The following ADAMTS12 variants were observed in gnomAD, a reference collection of about 807,000 sequenced individuals.
ADAMTS12 encodes the protein A disintegrin and metalloproteinase with thrombospondin motifs 12.
ADAMTS12 carries 118 observed loss-of-function variants against 167.8 expected under a neutral mutation model. That is an observed-to-expected ratio of 0.70 (90% CI 0.61 to 0.82). ADAMTS12 has a LOEUF of 0.82. ADAMTS12 is among the 40% of genes least tolerant of loss of function. The pLI, the probability that ADAMTS12 is intolerant of heterozygous loss-of-function variation, is 0.00. For synonymous variants in ADAMTS12, 704 were observed against 716.9 expected (o/e 0.98, Z 0.29); for missense variants, 1,916 against 1,998.8 (o/e 0.96, Z 0.79).
intron 3 of ADAMTS12, among the ~76,000 whole-genome samples, chr5:33,727,004 G>A (rs1744004153): frequency 6.6e-6 from 1 of 152,118 alleles, no homozygotes; most frequent in Non-Finnish European, 1.5e-5. Flanking sequence ...AAACTCCTGG[G>A]TGAATCAAAT....
intron 2 of ADAMTS12, among the ~76,000 whole-genome samples, chr5:33,853,795 C>T (rs1749304366): frequency 6.6e-6 from 1 of 152,214 alleles, no homozygotes; most frequent in African/African-American, 2.4e-5. Context: ...AATGCACATA[C>T]AAATCACCTG....
At chr5:33,589,211 T>G (rs191750033) in intron 17 of ADAMTS12, among the ~76,000 whole-genome samples, 1 of 152,314 alleles carries the variant, frequency 6.6e-6, no homozygotes, top group African/African-American at 2.4e-5. Context: ...GAAAGACCAA[T>G]TCATGTAATG....
intron 2 of ADAMTS12, among the ~76,000 whole-genome samples, chr5:33,829,849 G>A (rs954425449): frequency 3.3e-5 from 5 of 152,050 alleles, no homozygotes; most frequent in Admixed American, 6.5e-5. Context: ...GAATTCACCC[G>A]CTTCATACTG....
chr5:33,826,421 G>A (rs555205700), intron 2 of ADAMTS12, among the ~76,000 whole-genome samples: 8 of 151,994 alleles, frequency 5.3e-5, no homozygotes, highest in African/African-American at 1.9e-4. Context: ...TATATGCAAA[G>A]GTTTAAGTAT....
intron 14 of ADAMTS12, among the ~76,000 whole-genome samples, chr5:33,620,631 C>T (rs7717651): frequency 0.27 from 41,696 of 152,010 alleles, 6,128 homozygotes; most frequent in African/African-American, 0.37. Context: ...CCATGTGTGG[C>T]CTGTAAGTGT....
At chr5:33,533,890 T>C (rs1019674820) in intron 23 of ADAMTS12, among the ~76,000 whole-genome samples, 1 of 152,228 alleles carries the variant, frequency 6.6e-6, no homozygotes, top group Non-Finnish European at 1.5e-5. Flanking sequence ...GGTAGCTTCA[T>C]CTACTCAGCT....
intron 5 of ADAMTS12, among the ~76,000 whole-genome samples, chr5:33,667,539 G>A (rs7714190): frequency 0.95 from 145,006 of 152,086 alleles, 69,494 homozygotes; most frequent in East Asian, 1. Flanking sequence ...CTACTTTGCT[G>A]TGGTGGATGG....
At chr5:33,672,833 T>C (rs1741765042) in intron 5 of ADAMTS12, among the ~76,000 whole-genome samples, 1 of 152,204 alleles carries the variant, frequency 6.6e-6, no homozygotes, top group Non-Finnish European at 1.5e-5. Context: ...CCCATTTCCC[T>C]GAAGGGCCTC....
At chr5:33,683,763 A>AT in intron 4 of ADAMTS12, 96 bp downstream of exon 4, 1 of 920,968 alleles carries the variant, frequency 1.1e-6, no homozygotes. Context: ...AAATAAGTTA[A>AT]AAGGACCCCA....
intron 2 of ADAMTS12, among the ~76,000 whole-genome samples, chr5:33,752,052 C>T (rs941948732): frequency 6.6e-6 from 1 of 152,152 alleles, no homozygotes; most frequent in Non-Finnish European, 1.5e-5. Flanking sequence ...AACAAAGAAA[C>T]GTAATGCAAA....
intron 2 of ADAMTS12, among the ~76,000 whole-genome samples, chr5:33,784,540 G>A (rs1438774412): frequency 6.6e-6 from 1 of 151,956 alleles, no homozygotes; most frequent in Non-Finnish European, 1.5e-5. Flanking sequence ...GTTGTATTCT[G>A]TACCAGAAAT....
At chr5:33,784,343 T>C (rs1298358675) in intron 2 of ADAMTS12, among the ~76,000 whole-genome samples, 1 of 151,910 alleles carries the variant, frequency 6.6e-6, no homozygotes, top group Non-Finnish European at 1.5e-5. Context: ...ATTGTACTGA[T>C]GGTGAGCCAA....
chr5:33,803,274 C>T (rs1196142388), intron 2 of ADAMTS12, among the ~76,000 whole-genome samples: 1 of 152,208 alleles, frequency 6.6e-6, no homozygotes, highest in Non-Finnish European at 1.5e-5. Context: ...GTGGTGGGAA[C>T]AAACATCTGA....
chr5:33,623,546 C>T (rs1295501023), intron 14 of ADAMTS12, among the ~76,000 whole-genome samples: 1 of 152,128 alleles, frequency 6.6e-6, no homozygotes, highest in African/African-American at 2.4e-5. Flanking sequence ...TGAGGACTAT[C>T]CATAGCCCAA....
At chr5:33,630,707 G>C in intron 13 of ADAMTS12, 73 bp downstream of exon 13, 4 of 1,521,040 alleles carry the variant, frequency 2.6e-6, no homozygotes, top group Non-Finnish European at 3.6e-6. Flanking sequence ...CACAAACCTA[G>C]AACATCTGAC....
intron 16 of ADAMTS12, among the ~76,000 whole-genome samples, chr5:33,601,553 A>G (rs1738190591): frequency 6.6e-6 from 1 of 152,152 alleles, no homozygotes; most frequent in South Asian, 2.1e-4. Context: ...AACTCATCCA[A>G]TTCAATGAAG....
Position 33,527,137 on chromosome 5 carries a change from T to C in ADAMTS12, c.*51A>G. 6.2e-7 allele frequency: 1 copy of C among 1,602,790 alleles called. No homozygotes were observed. Among genetic ancestry groups the C allele is most frequent in the African/African-American group, 1.3e-5 (1 of 74,546 alleles). ...AAGCAGCTCCCAGGGCTAAAGCATG[T>C]CATGGTCAGCAGGCTGCTGCAGTCT... On this transcript the variant is annotated 3_prime_UTR_variant, in exon 24 of 24. Transcript: ENST00000504830.
chr5:33,615,405 A>G (rs1379600756), intron 15 of ADAMTS12, among the ~76,000 whole-genome samples: 1 of 152,218 alleles, frequency 6.6e-6, no homozygotes, highest in Non-Finnish European at 1.5e-5. Context: ...ACCTTTGAAG[A>G]GCACATGTTG....
intron 22 of ADAMTS12, among the ~76,000 whole-genome samples, chr5:33,541,952 A>G (rs1231607222): frequency 6.6e-6 from 1 of 152,240 alleles, no homozygotes; most frequent in Non-Finnish European, 1.5e-5. Flanking sequence ...ATAACCAGCT[A>G]GCATCATAAT....
Sources: gnomAD v4.1 joint callset for allele counts (sites outside exome capture counted in the v4.1 genomes callset) on GRCh38, gnomAD v4.1.1 for gene constraint, MANE v1.5 for transcripts, NCBI Gene and HGNC (gene_info 2026-07-23, HGNC 2026-07-21) for gene names.